Variants in USP21 observed in about 807,000 individuals in gnomAD.
USP21 encodes the protein ubiquitin specific peptidase 21, also known as ubiquitin carboxyl-terminal hydrolase 21.
A neutral mutation model predicts 70.8 loss-of-function variants in USP21; 37 were observed. That is an observed-to-expected ratio of 0.52 (90% CI 0.40 to 0.69). The LOEUF is 0.69. Among genes scored for constraint, USP21 ranks in the 30% least tolerant of loss-of-function variants. USP21 has a pLI of 0.00. For missense variants in USP21, 584 were observed against 740.8 expected (o/e 0.79, Z 2.46); for synonymous variants, 263 against 283.1 (o/e 0.93, Z 0.71).
intron 1 of USP21, 119 bp downstream of exon 1, chr1:161,159,797 C>T (rs1657752969): frequency 6.6e-6 from 1 of 152,374 alleles, no homozygotes; most frequent in African/African-American, 2.4e-5. Context: ...CCTGGGAGAA[C>T]TGGGCTGGAG....
In USP21 at chr1:161,161,112, C is replaced by T. The variant is rs994821674; in HGVS notation, c.472C>T (p.Arg158Cys). The T allele has an allele frequency of 1.9e-6, 3 of 1,614,228 alleles. No individual in the cohort carries two copies. Among genetic ancestry groups the T allele is most frequent in the Non-Finnish European group, 2.5e-6 (3 of 1,180,024 alleles). Residue 158 changes from arginine to cysteine, a missense_variant, in exon 3 of 14, where the codon CGC (arginine) becomes TGC (cysteine). Physicochemically the swap from Arg to Cys is radical, Grantham distance 180. Transcript: ENST00000368002. The surrounding 1 kb of genome is among the most constrained non-coding windows in gnomAD (Gnocchi z 4.2). ...PPTLRRSTSL[R>C]RLGGFPGPPT... ...CACTTTGAGACGTAGCACTTCTCTC[C>T]GCCGCCTAGGGGGCTTTCCTGGACC...
rs1223043358 is a variant in USP21 at position 161,162,179 on chromosome 1, A to G, written c.660+82A>G. 1.2e-6 allele frequency: 2 copies of G among 1,612,892 alleles called. No individual in the cohort carries two copies. The highest frequency in any genetic ancestry group is 1.7e-6 in the Non-Finnish European group (2 of 1,179,046). On this transcript the variant is annotated intron_variant, in intron 4 of 13. Transcript: ENST00000368002. The surrounding 1 kb of genome is among the most constrained non-coding windows in gnomAD (Gnocchi z 4.1). Reference sequence around the variant, plus strand: ...GTGGGGAAAACCCACGAGCTTGGGGAAGGCATGTGGAAGGAGAGCTCTGAA... The same window carrying G: ...GTGGGGAAAACCCACGAGCTTGGGGGAGGCATGTGGAAGGAGAGCTCTGAA...
chr1:161,165,341 TCTC>T lies in USP21; in HGVS notation c.1608-13_1608-11del. On this transcript the variant is annotated splice_polypyrimidine_tract_variant and intron_variant, in intron 13 of 13. Coordinates refer to ENST00000368002, the MANE Select transcript of USP21 (RefSeq NM_001014443.3). ...AGGAATGACCACAACCCTTTCCCGA[TCTC>T]CTTTTTTCCTAGTGTCTCCCCTGTC... is the stretch of plus-strand genomic sequence containing the variant. 1 of 1,611,336 alleles carries T rather than the reference TCTC, an allele frequency of 6.2e-7. No individual in the cohort carries two copies. Among genetic ancestry groups the T allele is most frequent in the South Asian group, 1.1e-5 (1 of 91,006 alleles).
Position 161,161,958 on chromosome 1 carries a change from C to A in USP21, c.601-80C>A. Reference sequence around the variant, plus strand: ...TGAAACATGCATGGGATGGGGGAGGCAGTGGGCAGCATGCTGTTGAAAGGT... The same window carrying A: ...TGAAACATGCATGGGATGGGGGAGGAAGTGGGCAGCATGCTGTTGAAAGGT... On this transcript the variant is annotated intron_variant, in intron 3 of 13. Transcript: ENST00000368002. The surrounding 1 kb of genome is among the most constrained non-coding windows in gnomAD (Gnocchi z 4.2). The A allele has an allele frequency of 7.5e-7, 1 of 1,335,172 alleles. No individual in the cohort carries two copies. Among genetic ancestry groups the A allele is most frequent in the Middle Eastern group, 1.8e-4 (1 of 5,544 alleles). The allele number at this position is 1,335,172 out of a possible 1,614,324, so 82.7% of individuals were successfully genotyped here. A position where few individuals can be genotyped will look rare whatever the true frequency, so the allele number is the denominator to read the frequency against.
Position 161,162,818 on chromosome 1 carries a change from G to C in USP21, c.893+92G>C. On this transcript the variant is annotated intron_variant, in intron 6 of 13. Coordinates refer to ENST00000368002, the MANE Select transcript of USP21 (RefSeq NM_001014443.3). The surrounding 1 kb of genome is among the most constrained non-coding windows in gnomAD (Gnocchi z 4.1). ...CTGGCAGCATTGTTCTGAGCCTTGA[G>C]ATGTTCTTCATCCAGGAAGTGGGGA... The C allele has an allele frequency of 6.3e-7, 1 of 1,579,570 alleles. No individual in the cohort carries two copies. The highest frequency in any genetic ancestry group is 8.7e-7 in the Non-Finnish European group (1 of 1,150,558).
At position 161,162,428 on chromosome 1, in the gene USP21, T is replaced by G. The variant is rs1657998352; in HGVS notation, c.781+38T>G. 1.3e-6 allele frequency: 2 copies of G among 1,567,054 alleles called. No individual in the cohort carries two copies. The highest frequency in any genetic ancestry group is 3.7e-5 in the Admixed American group (2 of 54,648). On this transcript the variant is annotated intron_variant, in intron 5 of 13. Coordinates refer to ENST00000368002, the MANE Select transcript of USP21 (RefSeq NM_001014443.3). This position sits in a 1 kb window ranked among gnomAD's most constrained non-coding sequence, Gnocchi z 4.1. ...CTCCTGCTCCCTCTGTTCAAGTCCC[T>G]TTTTCCCCAACCACTTGCAGGTCCA...
At position 161,161,371 on chromosome 1, in the gene USP21, C is replaced by T. The variant is rs1657919804; in HGVS notation, c.600+131C>T. 3.3e-6 allele frequency: 4 copies of T among 1,210,648 alleles called. No homozygotes were observed. The highest frequency in any genetic ancestry group is 2.5e-5 in the Admixed American group (1 of 39,638). 75.0% of individuals were successfully genotyped at this position (1,210,648 alleles called of 1,614,324 possible). ...CCTTCATTACAGCAGTTTGGACATG[C>T]CTCTCCCTTGCTTAAATACCCTTGA... is the stretch of plus-strand genomic sequence containing the variant. On this transcript the variant is annotated intron_variant, in intron 3 of 13. Transcript: ENST00000368002. This position sits in a 1 kb window ranked among gnomAD's most constrained non-coding sequence, Gnocchi z 4.2.
At position 161,164,784 on chromosome 1, in the gene USP21, G is replaced by C. The variant is rs1382620993; in HGVS notation, c.1385-51G>C. 6.3e-7 allele frequency: 1 copy of C among 1,598,470 alleles called. No individual in the cohort carries two copies. The highest frequency in any genetic ancestry group is 8.5e-7 in the Non-Finnish European group (1 of 1,170,506). On this transcript the variant is annotated intron_variant, in intron 11 of 13. Transcript: ENST00000368002. The surrounding 1 kb of genome is among the most constrained non-coding windows in gnomAD (Gnocchi z 4.2). The stretch of plus-strand genomic sequence containing the variant: ...GAGGACAGCTTTCAGGATAGAAGAA[G>C]TTCCCCTCAGAGGCCCACTGCCTCC...
chr1:161,165,403 G>T lies in USP21; in HGVS notation c.1654G>T (p.Val552Leu), dbSNP rs772424636. 6.2e-7 allele frequency: 1 copy of T among 1,614,054 alleles called. No homozygotes were observed. The change falls in exon 14 of 14, where the codon GTG (valine) becomes TTG (leucine). Residue 552 changes from valine to leucine, a missense_variant. Transcript: ENST00000368002. ...CCAGGTGGCATCCAGCGAGGGCTACGTGCTGTTCTACCAACTGATGCAGGA... is the reference window on the plus strand; with the variant it reads ...CCAGGTGGCATCCAGCGAGGGCTACTTGCTGTTCTACCAACTGATGCAGGA... Reference protein sequence around the residue: ...ENQVASSEGYVLFYQLMQEPP... With the variant: ...ENQVASSEGYLLFYQLMQEPP...
In USP21 at chr1:161,164,014, A is replaced by G; in HGVS notation, c.1218+33A>G. Reference sequence around the variant, plus strand: ...TCCAGAGGATTCCGGGGTGGACAGGACAGGGGCTCTGTGACCCAAGCCTAC... The same window carrying G: ...TCCAGAGGATTCCGGGGTGGACAGGGCAGGGGCTCTGTGACCCAAGCCTAC... On this transcript the variant is annotated intron_variant, in intron 9 of 13. Coordinates refer to ENST00000368002, the MANE Select transcript of USP21 (RefSeq NM_001014443.3). The surrounding 1 kb of genome is among the most constrained non-coding windows in gnomAD (Gnocchi z 4.2). The G allele has an allele frequency of 1.2e-6, 2 of 1,608,350 alleles. No individual in the cohort carries two copies. Among genetic ancestry groups the G allele is most frequent in the Non-Finnish European group, 1.7e-6 (2 of 1,174,796 alleles).
intron 13 of USP21, 26 bp from the exon 14 acceptor site, chr1:161,165,331 C>T (rs1189563360): frequency 2.5e-6 from 4 of 1,604,414 alleles, no homozygotes; most frequent in African/African-American, 1.3e-5. Flanking sequence ...TGACCACAAC[C>T]CTTTCCCGAT....
rs1448635786 is a variant in USP21 at position 161,164,596 on chromosome 1, T to C, written c.1368T>C (p.Pro456=). ...STKKLTVQRF[P]RILVLHLNRF... ...AAAAGTTGACAGTACAAAGATTCCC[T>C]CGAATCCTCGTGCTCCATATCCTAA... Residue 456 remains proline (P), a synonymous_variant, in exon 11 of 14, where the codon CCT becomes CCC. Coordinates refer to ENST00000368002, the MANE Select transcript of USP21 (RefSeq NM_001014443.3). This position sits in a 1 kb window ranked among gnomAD's most constrained non-coding sequence, Gnocchi z 4.2. 7 of 1,614,082 alleles carry C rather than the reference T, an allele frequency of 4.3e-6. No homozygotes were observed. In the African/African-American group the frequency reaches 9.3e-5, roughly 22 times the overall value.
Position 161,164,332 on chromosome 1 carries a change from C to A in USP21, c.1305+82C>A. On this transcript the variant is annotated intron_variant, in intron 10 of 13. Coordinates refer to ENST00000368002, the MANE Select transcript of USP21 (RefSeq NM_001014443.3). The surrounding 1 kb of genome is among the most constrained non-coding windows in gnomAD (Gnocchi z 4.2). ...GTGGATAAAAGGGATTGCATGATGTCTTCATATGGGGAATAATATTTATGT... is the reference window on the plus strand; with the variant it reads ...GTGGATAAAAGGGATTGCATGATGTATTCATATGGGGAATAATATTTATGT... 1.4e-6 allele frequency: 2 copies of A among 1,412,858 alleles called. No individual in the cohort carries two copies. The highest frequency in any genetic ancestry group is 2.0e-6 in the Non-Finnish European group (2 of 998,928). The allele number at this position is 1,412,858 out of a possible 1,614,324, so 87.5% of individuals were successfully genotyped here.
At chr1:161,163,676 T>C in intron 8 of USP21, 57 bp downstream of exon 8, 1 of 1,074,324 alleles carries the variant, frequency 9.3e-7, no homozygotes, top group Non-Finnish European at 1.4e-6. Context: ...GGTACAGGCT[T>C]GGGGGGAAAA....
Position 161,162,701 on chromosome 1 carries a change from T to C in USP21, c.868T>C (p.Tyr290His). Residue 290 changes from tyrosine (Y) to histidine (H), a missense_variant, in exon 6 of 14, where the codon TAT becomes CAT. Tyr to His is a moderately conservative substitution (Grantham distance 83, BLOSUM62 2). Coordinates refer to ENST00000368002, the MANE Select transcript of USP21 (RefSeq NM_001014443.3). This position sits in a 1 kb window ranked among gnomAD's most constrained non-coding sequence, Gnocchi z 4.1. ...TCGATTCCGAGCTGTCTTCCAGAAA[T>C]ATGTTCCCTCCTTCTCTGGATACAG... ...PTRFRAVFQK[Y>H]VPSFSGYSQQ... is the part of the protein sequence containing the mutation. The C allele has an allele frequency of 6.2e-7, 1 of 1,613,934 alleles. No individual in the cohort carries two copies. Among genetic ancestry groups the C allele is most frequent in the Non-Finnish European group, 8.5e-7 (1 of 1,179,800 alleles).
In USP21 at chr1:161,161,455, TC is replaced by T; in HGVS notation, c.600+219del. On this transcript the variant is annotated intron_variant, in intron 3 of 13. Transcript: ENST00000368002. The surrounding 1 kb of genome is among the most constrained non-coding windows in gnomAD (Gnocchi z 4.2). ...TCTTCAGCATGGTGTGCCATTTCGG[TC>T]CCCAGGGGATTACCCCAACTATTTA... The T allele has an allele frequency of 1.8e-6, 1 of 567,748 alleles. No homozygotes were observed. The highest frequency in any genetic ancestry group is 3.0e-6 in the Non-Finnish European group (1 of 330,200). The allele number at this position is 567,748 out of a possible 1,614,324, so 35.2% of individuals were successfully genotyped here. A position where few individuals can be genotyped will look rare whatever the true frequency, so the allele number is the denominator to read the frequency against.
Position 161,162,242 on chromosome 1 carries a change from T to C in USP21, c.661-28T>C. 6.2e-7 allele frequency: 1 copy of C among 1,607,840 alleles called. No homozygotes were observed. Among genetic ancestry groups the C allele is most frequent in the South Asian group, 1.1e-5 (1 of 90,484 alleles). On this transcript the variant is annotated intron_variant, in intron 4 of 13. Transcript: ENST00000368002. The surrounding 1 kb of genome is among the most constrained non-coding windows in gnomAD (Gnocchi z 4.1). ...CTTCCTGGGCAGTGGTCTGGAGAGA[T>C]AACAGCAGTGTCCCTACTGCTCCCC...
In USP21 at chr1:161,164,888, G is replaced by A; in HGVS notation, c.1438G>A (p.Val480Ile). 1.9e-6 allele frequency: 3 copies of A among 1,614,188 alleles called. No homozygotes were observed. The highest frequency in any genetic ancestry group is 2.5e-6 in the Non-Finnish European group (3 of 1,180,020). ...CTCCATCAAAAAAAGTTCAGTAGGT[G>A]TAGACTTTCCACTGCAGCGACTGAG... ...RGSIKKSSVG[V>I]DFPLQRLSLG... The change falls in exon 12 of 14, where the codon GTA (valine) becomes ATA (isoleucine). Residue 480 changes from valine to isoleucine, a missense_variant. Transcript: ENST00000368002. The surrounding 1 kb of genome is among the most constrained non-coding windows in gnomAD (Gnocchi z 4.2).
At position 161,164,865 on chromosome 1, in the gene USP21, C is replaced by T; in HGVS notation, c.1415C>T (p.Ser472Phe). The T allele has an allele frequency of 6.2e-7, 1 of 1,613,918 alleles. No individual in the cohort carries two copies. Among genetic ancestry groups the T allele is most frequent in the Non-Finnish European group, 8.5e-7 (1 of 1,179,908 alleles). Reference sequence around the variant, plus strand: ...AATCGATTTTCTGCCTCCCGAGGCTCCATCAAAAAAAGTTCAGTAGGTGTA... The same window carrying T: ...AATCGATTTTCTGCCTCCCGAGGCTTCATCAAAAAAAGTTCAGTAGGTGTA... The part of the protein sequence containing the change: ...HLNRFSASRG[S>F]IKKSSVGVDF... Residue 472 changes from serine to phenylalanine, a missense_variant, in exon 12 of 14, where the codon TCC (serine) becomes TTC (phenylalanine). Transcript: ENST00000368002. The surrounding 1 kb of genome is among the most constrained non-coding windows in gnomAD (Gnocchi z 4.2).
Sources: allele counts gnomAD v4.1 joint callset, GRCh38; gene constraint gnomAD v4.1.1; non-coding constraint Gnocchi (gnomAD v3.1); transcripts MANE v1.5; gene names NCBI Gene and HGNC (gene_info 2026-07-23, HGNC 2026-07-21).